ACP3: variants seen among roughly 807,000 people sequenced by gnomAD.
ACP3 encodes acid phosphatase 3.
ACP3 carries 38 observed loss-of-function variants against 45.6 expected under a neutral mutation model. That is an observed-to-expected ratio of 0.83 (90% confidence interval 0.64 to 1.09). The LOEUF is 1.09. Ranked by LOEUF, ACP3 falls within the 50% of genes least tolerant of loss-of-function variation. The probability of loss-of-function intolerance (pLI) is 0.00; values close to 1 mark genes in which losing one functional copy is unlikely to be tolerated. For missense variants in ACP3, 466 were observed against 463.2 expected, an observed-to-expected ratio of 1.01 and a Z score of -0.05; for synonymous variants, 162 against 164.7, an observed-to-expected ratio of 0.98 and a Z score of 0.13.
downstream of ACP3, among the ~76,000 whole-genome samples, chr3:132,359,250 G>C (rs145455021): frequency 1.4e-3 from 216 of 152,240 alleles, 1 homozygote; most frequent in East Asian, 0.019. Context: ...AGGTGGCTCA[G>C]GCCTGTAATC....
intron 6 of ACP3, 28 bp from the exon 7 acceptor site, chr3:132,344,899 C>G: frequency 6.2e-7 from 1 of 1,610,316 alleles, no homozygotes. Context: ...AATACACATA[C>G]ATTTTTCTTC....
At chr3:132,334,718 G>A (rs1472040138) in intron 4 of ACP3, among the ~76,000 whole-genome samples, 1 of 152,148 alleles carries the variant, frequency 6.6e-6, no homozygotes, top group Non-Finnish European at 1.5e-5. Flanking sequence ...GAAAGAGAAT[G>A]AAAATAAAAT....
At chr3:132,363,812 C>T (rs569130457), downstream of ACP3, among the ~76,000 whole-genome samples, 5 of 152,230 alleles carry the variant, frequency 3.3e-5, no homozygotes, top group East Asian at 1.9e-4. Context: ...TGGCAGGCAC[C>T]TGTAGTCCCA....
intron 8 of ACP3, 71 bp downstream of exon 8, chr3:132,350,073 CT>C: frequency 9.0e-7 from 1 of 1,105,808 alleles, no homozygotes. Flanking sequence ...AGGACCTCAT[CT>C]TTTTTTAATC....
At chr3:132,332,161 G>C in intron 3 of ACP3, 31 bp from the exon 4 acceptor site, 1 of 1,613,548 alleles carries the variant, frequency 6.2e-7, no homozygotes, top group East Asian at 2.2e-5. Context: ...CTCCCTTTAC[G>C]TTCGCTTCTG....
chr3:132,325,553 G>A (rs1024724108), intron 1 of ACP3, among the ~76,000 whole-genome samples: 13 of 140,726 alleles, frequency 9.2e-5, no homozygotes, highest in African/African-American at 3.5e-4. Flanking sequence ...CAGTGCCTTC[G>A]GGGTAGTTTC....
chr3:132,360,734 C>G (rs1037913175), downstream of ACP3, among the ~76,000 whole-genome samples: 4 of 152,224 alleles, frequency 2.6e-5, no homozygotes, highest in East Asian at 1.9e-4. Flanking sequence ...AGGAGACTTA[C>G]TAGTGAGAAG....
At chr3:132,341,238 A>G (rs1358649601) in intron 5 of ACP3, among the ~76,000 whole-genome samples, 2 of 152,204 alleles carry the variant, frequency 1.3e-5, no homozygotes, top group Non-Finnish European at 2.9e-5. Context: ...AGTTTTCCTA[A>G]TAAGCATACA....
chr3:132,362,121 CTTTT>C (rs201221273), downstream of ACP3, among the ~76,000 whole-genome samples: 2 of 149,318 alleles, frequency 1.3e-5, no homozygotes, highest in African/African-American at 2.5e-5. Flanking sequence ...TCTGTCATCT[CTTTT>C]TTTTTTAACT....
intron 9 of ACP3, among the ~76,000 whole-genome samples, chr3:132,355,215 T>C (rs1937854025): frequency 6.6e-6 from 1 of 152,220 alleles, no homozygotes; most frequent in Admixed American, 6.5e-5. Context: ...AGGGGACACA[T>C]ATCATTTCTG....
At chr3:132,340,769 T>C (rs946507580) in intron 5 of ACP3, among the ~76,000 whole-genome samples, 4 of 152,192 alleles carry the variant, frequency 2.6e-5, no homozygotes, top group African/African-American at 9.6e-5. Context: ...AAACTTGGGT[T>C]TTAACTATTA....
rs1553734945 is a variant in ACP3, at chr3:132,358,076, T to TAAATA, written c.*1201_*1202insTAAAA. ...ATAAATAAATAAATAAATAAATAAA[T>TAAATA]AAAAACAAAGTTGATTAAGAAAGGA... On this transcript the variant is annotated 3_prime_UTR_variant, in exon 10 of 10. Coordinates refer to ENST00000336375, the MANE Select transcript of ACP3 (RefSeq NM_001099.5). 34 of 147,476 alleles carry TAAATA rather than the reference T, an allele frequency of 2.3e-4. No individual in the cohort carries two copies. Among genetic ancestry groups the TAAATA allele is most frequent in the South Asian group, 1.7e-3 (8 of 4,658 alleles). The allele number at this position is 147,476 out of a possible 1,614,324, so 9.1% of individuals were successfully genotyped here.
Position 132,344,918 on chromosome 3 carries a change from T to C in ACP3, c.649-9T>C, listed in dbSNP as rs1206538424. On this transcript the variant is annotated splice_polypyrimidine_tract_variant and intron_variant, in intron 6 of 9. Transcript: ENST00000336375. ...CACATACATTTTTCTTCCTTTTTCT[T>C]TGCTACAGAGTGTTCACAATTTCAC... The C allele has an allele frequency of 1.2e-6, 2 of 1,611,812 alleles. No homozygotes were observed. The highest frequency in any genetic ancestry group is 2.7e-5 in the African/African-American group (2 of 74,786).
intron 7 of ACP3, among the ~76,000 whole-genome samples, chr3:132,348,368 T>C (rs1057130718): frequency 9.2e-5 from 14 of 152,098 alleles, no homozygotes; most frequent in Non-Finnish European, 2.1e-4. Flanking sequence ...TGCTTGCAAG[T>C]TGTATAATCT....
At chr3:132,365,335 CT>C (rs1177940550) in intron 10 of ACP3, among the ~76,000 whole-genome samples, 1 of 152,138 alleles carries the variant, frequency 6.6e-6, no homozygotes, top group African/African-American at 2.4e-5. Context: ...ACAAGATGCA[CT>C]TTTAAATGGG....
At chr3:132,340,715 G>T (rs1318264765) in intron 5 of ACP3, among the ~76,000 whole-genome samples, 1 of 152,046 alleles carries the variant, frequency 6.6e-6, no homozygotes, top group Admixed American at 6.5e-5. Flanking sequence ...TAGGTGTGGG[G>T]TCTATTTATG....
At chr3:132,331,763 T>C in intron 3 of ACP3, 30 bp downstream of exon 3, 1 of 1,527,964 alleles carries the variant, frequency 6.5e-7, no homozygotes, top group Non-Finnish European at 9.0e-7. Context: ...GTGGGAACTT[T>C]GATCTTTGAA....
At chr3:132,349,828 A>G (rs1576423805) in intron 7 of ACP3, 92 bp from the exon 8 acceptor site, 52 of 792,752 alleles carry the variant, frequency 6.6e-5, no homozygotes, top group Non-Finnish European at 3.7e-5. Flanking sequence ...CATGGCAGGG[A>G]GAGTCCGCAA....
At chr3:132,355,069 G>A (rs1400928607) in intron 9 of ACP3, among the ~76,000 whole-genome samples, 3 of 152,164 alleles carry the variant, frequency 2.0e-5, no homozygotes, top group South Asian at 2.1e-4. Context: ...TGATTCACAC[G>A]TGGTGATTCA....
Sources: gnomAD v4.1 joint callset for allele counts (sites outside exome capture counted in the v4.1 genomes callset) on GRCh38, gnomAD v4.1.1 for gene constraint, MANE v1.5 for transcripts, NCBI Gene and HGNC (gene_info 2026-07-23, HGNC 2026-07-21) for gene names.